Variants in GLI2 observed in about 807,000 individuals in gnomAD.
GLI2 encodes transcription activator GLI2.
A neutral mutation model predicts 78.9 loss-of-function variants in GLI2; 22 were observed. The ratio of observed to expected loss-of-function variants is 0.28; its 90% CI spans 0.20 to 0.40. GLI2 has a LOEUF of 0.40. GLI2 is among the 10% of genes least tolerant of loss of function. The probability of loss-of-function intolerance (pLI) is 1.00; values close to 1 mark genes in which losing one functional copy is unlikely to be tolerated. For synonymous variants in GLI2, 974 were observed against 963.7 expected, an observed-to-expected ratio of 1.01 and a Z score of -0.20; for missense variants, 2,097 against 2,213.2, an observed-to-expected ratio of 0.95 and a Z score of 1.05.
At chr2:120,839,707 C>T (rs1453292305) in intron 2 of GLI2, among the ~76,000 whole-genome samples, 2 of 152,150 alleles carry the variant, frequency 1.3e-5, no homozygotes, top group East Asian at 1.9e-4. Flanking sequence ...GGATTACAGG[C>T]GTGCGCAACC....
chr2:120,887,679 A>C lies in GLI2; in HGVS notation c.149-39682A>C, dbSNP rs73949953. On this transcript the variant is annotated intron_variant, in intron 2 of 13. Coordinates refer to ENST00000361492, the MANE Select transcript of GLI2 (RefSeq NM_001374353.1). Reference sequence around the variant, plus strand: ...TCTCCCACAGAGGCCATTATCCCGGAGCGGGGTGCTGTTTGCCTGGTTTTG... The same window carrying C: ...TCTCCCACAGAGGCCATTATCCCGGCGCGGGGTGCTGTTTGCCTGGTTTTG... Among the ~76,000 whole-genome samples, 127 of 152,326 alleles carry C rather than the reference A, an allele frequency of 8.3e-4. 1 individual carries two copies. Among genetic ancestry groups the C allele is most frequent in the African/African-American group, 3.0e-3 (125 of 41,570 alleles).
At chr2:120,861,240 T>C (rs1265251837) in intron 2 of GLI2, among the ~76,000 whole-genome samples, 2 of 152,192 alleles carry the variant, frequency 1.3e-5, no homozygotes, top group South Asian at 2.1e-4. Context: ...GTCTGTTCAG[T>C]GTGGTTCATA....
chr2:120,971,191 G>A (rs549121484), intron 7 of GLI2, among the ~76,000 whole-genome samples: 12 of 152,344 alleles, frequency 7.9e-5, no homozygotes, highest in African/African-American at 2.9e-4. Flanking sequence ...CGCAGCCTGA[G>A]CTAACTTATC....
intron 1 of GLI2, among the ~76,000 whole-genome samples, chr2:120,768,365 G>A (rs1299625704): frequency 6.6e-6 from 1 of 152,222 alleles, no homozygotes; most frequent in Admixed American, 6.5e-5. Context: ...TGCTTGCAGG[G>A]ACTTTCCATG....
At chr2:120,942,955 T>C (rs901813244) in intron 3 of GLI2, among the ~76,000 whole-genome samples, 2,015 of 148,990 alleles carry the variant, frequency 0.014, 56 homozygotes, top group African/African-American at 0.05. Context: ...CACTCATTCA[T>C]TCATTCGTTC....
intron 2 of GLI2, among the ~76,000 whole-genome samples, chr2:120,909,966 A>T (rs1441191707): frequency 6.6e-6 from 1 of 152,216 alleles, no homozygotes; most frequent in African/African-American, 2.4e-5. Flanking sequence ...GATTTATTCC[A>T]TAAGGGACCG....
chr2:120,775,847 G>A (rs566263632), intron 1 of GLI2, among the ~76,000 whole-genome samples: 4 of 152,298 alleles, frequency 2.6e-5, no homozygotes, highest in South Asian at 2.1e-4. Flanking sequence ...ATGCCATGTC[G>A]TACAGGGGCA....
chr2:120,982,668 G>C, intron 10 of GLI2, 48 bp from the exon 11 acceptor site: 2 of 1,566,900 alleles, frequency 1.3e-6, no homozygotes. Flanking sequence ...CCGGCCTCAA[G>C]GTTGGGCCCC....
At chr2:120,970,035 T>C (rs2105018045) in intron 6 of GLI2, among the ~76,000 whole-genome samples, 1 of 152,168 alleles carries the variant, frequency 6.6e-6, no homozygotes, top group South Asian at 2.1e-4. Context: ...GGAACAGGAT[T>C]CGGAGGCCTC....
chr2:120,792,654 C>T (rs1684201852), intron 1 of GLI2, among the ~76,000 whole-genome samples: 1 of 152,192 alleles, frequency 6.6e-6, no homozygotes, highest in Non-Finnish European at 1.5e-5. Context: ...GACAGAGTCT[C>T]ACTCTGTCTC....
chr2:120,750,740 A>G (rs707488), intron 1 of GLI2, among the ~76,000 whole-genome samples: 108,117 of 152,212 alleles, frequency 0.71, 39,972 homozygotes, highest in African/African-American at 0.93. Flanking sequence ...CCTTAACAAC[A>G]AAAGACATCC....
chr2:120,768,200 G>A (rs1683420797), intron 1 of GLI2, among the ~76,000 whole-genome samples: 1 of 152,262 alleles, frequency 6.6e-6, no homozygotes, highest in Non-Finnish European at 1.5e-5. Flanking sequence ...GGCGTCGGCT[G>A]CCAGGCCCTG....
chr2:120,739,093 C>T (rs1682452128), intron 1 of GLI2, among the ~76,000 whole-genome samples: 1 of 152,174 alleles, frequency 6.6e-6, no homozygotes, highest in African/African-American at 2.4e-5. Flanking sequence ...GGGCTGTGTA[C>T]TGTAGCTGGC....
intron 1 of GLI2, among the ~76,000 whole-genome samples, chr2:120,770,152 C>T (rs184888803): frequency 3.9e-5 from 6 of 152,318 alleles, no homozygotes; most frequent in East Asian, 1.9e-4. Context: ...TTGAACACCT[C>T]GGTGGCCCCA....
intron 2 of GLI2, among the ~76,000 whole-genome samples, chr2:120,925,116 A>G (rs1293993989): frequency 6.6e-6 from 1 of 152,172 alleles, no homozygotes; most frequent in Non-Finnish European, 1.5e-5. Context: ...TGCCCGGCTC[A>G]CCTGTGCAGG....
At chr2:120,786,548 A>C (rs1223259555) in intron 1 of GLI2, among the ~76,000 whole-genome samples, 1 of 152,036 alleles carries the variant, frequency 6.6e-6, no homozygotes, top group Non-Finnish European at 1.5e-5. Flanking sequence ...TTAAGAGATA[A>C]ACACTTTTTT....
At chr2:120,774,709 G>A (rs538158597) in intron 1 of GLI2, among the ~76,000 whole-genome samples, 2 of 152,340 alleles carry the variant, frequency 1.3e-5, no homozygotes, top group East Asian at 3.9e-4. Flanking sequence ...GAGGGGAGCA[G>A]CAGCTGTCTG....
rs1684636374 is a variant in GLI2, at chr2:120,800,263, GT to G, written c.148+2798del. On this transcript the variant is annotated intron_variant, in intron 2 of 13. Coordinates refer to ENST00000361492, the MANE Select transcript of GLI2 (RefSeq NM_001374353.1). The surrounding 1 kb of genome is among the most constrained non-coding windows in gnomAD (Gnocchi z 4.1). ...GTTGAGGGGCCCCTCTTCTCGAGTT[GT>G]TTCTGGCAAAGACGAATCATCTTGG... Among the ~76,000 whole-genome samples the G allele has an allele frequency of 6.6e-6, 1 of 152,084 alleles. No homozygotes were observed. Among genetic ancestry groups the G allele is most frequent in the Non-Finnish European group, 1.5e-5 (1 of 68,012 alleles).
At chr2:120,774,392 C>T (rs1358750779) in intron 1 of GLI2, among the ~76,000 whole-genome samples, 2 of 152,204 alleles carry the variant, frequency 1.3e-5, no homozygotes, top group South Asian at 2.1e-4. Context: ...ACCACCACCA[C>T]TATCTAAACC....
Sources: allele counts gnomAD v4.1 joint callset (sites outside exome capture counted in the v4.1 genomes callset), GRCh38; gene constraint gnomAD v4.1.1; non-coding constraint Gnocchi (gnomAD v3.1); transcripts MANE v1.5; gene names NCBI Gene and HGNC (gene_info 2026-07-23, HGNC 2026-07-21).